The following SH3KBP1 variants were observed in gnomAD, a reference collection of about 807,000 sequenced individuals.
The protein encoded by SH3KBP1 is SH3 domain containing kinase binding protein 1, also known as SH3 domain-containing kinase-binding protein 1.
SH3KBP1 carries 8 observed loss-of-function variants against 50.1 expected under a neutral mutation model. The observed-to-expected ratio is 0.16, with a 90% CI of 0.09 to 0.29. The LOEUF is 0.29. Ranked by LOEUF, SH3KBP1 falls within the 10% of genes least tolerant of loss-of-function variation. The probability of loss-of-function intolerance (pLI) is 1.00; values close to 1 mark genes in which losing one functional copy is unlikely to be tolerated. For synonymous variants in SH3KBP1, 227 were observed against 218.6 expected (o/e 1.04, Z -0.34); for missense variants, 377 against 535.2 (o/e 0.70, Z 2.92).
Position 19,876,380 on chromosome X carries a change from C to CA in SH3KBP1, c.4+10926dup, listed in dbSNP as rs765235013. ...TGTCAAGAAAACAAAAACAAACAAA[C>CA]AAAAAAAACACCTAGATGGGTTAAG... On this transcript the variant is annotated intron_variant, in intron 1 of 17. Coordinates refer to ENST00000397821, the MANE Select transcript of SH3KBP1 (RefSeq NM_031892.3). 1.8e-4 allele frequency among the ~76,000 whole-genome samples: 20 copies of CA among 110,149 alleles called. 1 individual carries two copies. The highest frequency in any genetic ancestry group is 6.6e-4 in the African/African-American group (20 of 30,281).
chrX:19,579,387 A>C (rs1192784805), intron 12 of SH3KBP1, among the ~76,000 whole-genome samples: 1 of 112,033 alleles, frequency 8.9e-6, no homozygotes, highest in Non-Finnish European at 1.9e-5. Context: ...AAGGATGCTG[A>C]GCCCCCATCT....
intron 4 of SH3KBP1, among the ~76,000 whole-genome samples, chrX:19,705,450 C>G (rs1256056940): frequency 8.9e-6 from 1 of 111,856 alleles, no homozygotes; most frequent in Admixed American, 9.5e-5. Context: ...TGTCATTCTA[C>G]CACCGAAATA....
chrX:19,790,000 C>G (rs147641855), intron 2 of SH3KBP1, among the ~76,000 whole-genome samples: 7 of 109,489 alleles, frequency 6.4e-5, no homozygotes, highest in Non-Finnish European at 1.3e-4. Flanking sequence ...TGTCAGCCCT[C>G]GGGGCTCAAG....
chrX:19,551,110 C>T (rs2065226701), intron 13 of SH3KBP1, among the ~76,000 whole-genome samples: 1 of 111,627 alleles, frequency 9.0e-6, no homozygotes. Context: ...GTGTTATCTG[C>T]AAACTATTTT....
In SH3KBP1 at chrX:19,630,300, T is replaced by C. The variant is rs2061547565; in HGVS notation, c.897+1564A>G. ...ATCATCAAGGGGGAAAAAAGCACTC[T>C]AGCCCTTTCCCAGTATTTCTAAAAC... is the stretch of plus-strand genomic sequence containing the variant. On this transcript the variant is annotated intron_variant, in intron 8 of 17. Coordinates refer to ENST00000397821, the MANE Select transcript of SH3KBP1 (RefSeq NM_031892.3). Among the ~76,000 whole-genome samples the C allele has an allele frequency of 2.3e-4, 26 of 112,170 alleles. No homozygotes were observed. The Admixed American group carries it at 2.4e-3, about 11-fold the overall frequency.
chrX:19,668,097 A>G (rs1261589427), intron 6 of SH3KBP1, among the ~76,000 whole-genome samples: 1 of 111,516 alleles, frequency 9.0e-6, no homozygotes, highest in Non-Finnish European at 1.9e-5. Flanking sequence ...AGGCTATCTG[A>G]CAGAAGAAGG....
At chrX:19,660,888 G>A (rs958193989) in intron 6 of SH3KBP1, among the ~76,000 whole-genome samples, 2 of 112,476 alleles carry the variant, frequency 1.8e-5, no homozygotes, top group Non-Finnish European at 1.9e-5. Flanking sequence ...TCCTCCCGAT[G>A]CAGTTAAGAA....
intron 1 of SH3KBP1, among the ~76,000 whole-genome samples, chrX:19,857,502 C>G (rs964220933): frequency 9.1e-6 from 1 of 110,312 alleles, no homozygotes; most frequent in South Asian, 3.8e-4. Flanking sequence ...ATGGGTGGAT[C>G]GCTTGAGGTC....
At chrX:19,619,650 C>A (rs775504250) in intron 8 of SH3KBP1, among the ~76,000 whole-genome samples, 1 of 110,843 alleles carries the variant, frequency 9.0e-6, no homozygotes, top group Non-Finnish European at 1.9e-5. Flanking sequence ...GGTGTGGTGG[C>A]GCATGCCTAT....
At chrX:19,805,252 T>C (rs1666489296) in intron 2 of SH3KBP1, among the ~76,000 whole-genome samples, 1 of 110,927 alleles carries the variant, frequency 9.0e-6, no homozygotes, top group Admixed American at 9.6e-5. Context: ...CTTGCATTAC[T>C]GCGCATGTTT....
At position 19,706,966 on chromosome X, in the gene SH3KBP1, C is replaced by T. The variant is rs1386870517; in HGVS notation, c.305G>A (p.Arg102Gln). The stretch of plus-strand genomic sequence containing the variant: ...CAGGTAGCTGAATGCCACCTGGCAC[C>T]GGCGCCTCCGTCGCTCGCCTGGATG... ...TNKRGERRRR[R>Q]CQVAFSYLPQ... is the part of the protein sequence containing the mutation. Residue 102 changes from arginine to glutamine, a missense_variant, in exon 4 of 18, where the codon CGG becomes CAG. Transcript: ENST00000397821. The T allele has an allele frequency of 9.1e-6, 11 of 1,208,810 alleles. No individual in the cohort carries two copies. Among genetic ancestry groups the T allele is most frequent in the Non-Finnish European group, 1.2e-5 (11 of 894,000 alleles).
At chrX:19,622,810 A>G in intron 8 of SH3KBP1, among the ~76,000 whole-genome samples, 1 of 112,349 alleles carries the variant, frequency 8.9e-6, no homozygotes, top group South Asian at 3.7e-4. Context: ...TGGGAGGCCA[A>G]GGCAGGCGGA....
chrX:19,761,407 G>C (rs2065430302), intron 2 of SH3KBP1, among the ~76,000 whole-genome samples: 1 of 105,758 alleles, frequency 9.5e-6, no homozygotes, highest in Non-Finnish European at 2.0e-5. Flanking sequence ...GAGATGGGGA[G>C]AGAGGGAGGA....
intron 12 of SH3KBP1, among the ~76,000 whole-genome samples, chrX:19,573,541 C>G (rs1170925917): frequency 8.9e-6 from 1 of 112,010 alleles, no homozygotes; most frequent in African/African-American, 3.2e-5. Context: ...GCCACCTTGG[C>G]CTCCCAAAGT....
chrX:19,721,462 A>G (rs1174023491), intron 3 of SH3KBP1, among the ~76,000 whole-genome samples: 3 of 112,179 alleles, frequency 2.7e-5, no homozygotes, highest in Non-Finnish European at 5.6e-5. Flanking sequence ...CTGCTTCAAA[A>G]TTATGATCAC....
intron 12 of SH3KBP1, among the ~76,000 whole-genome samples, chrX:19,586,318 C>T (rs753481518): frequency 1.8e-5 from 2 of 111,984 alleles, no homozygotes; most frequent in Non-Finnish European, 3.8e-5. Context: ...GAAAGAGCAG[C>T]AGGAATATTT....
At chrX:19,669,763 T>G (rs745484513) in intron 6 of SH3KBP1, among the ~76,000 whole-genome samples, 2 of 111,639 alleles carry the variant, frequency 1.8e-5, no homozygotes, top group East Asian at 5.6e-4. Context: ...CTAACGGCAC[T>G]CTCCTCATAT....
intron 2 of SH3KBP1, among the ~76,000 whole-genome samples, chrX:19,801,027 G>T (rs927955210): frequency 8.9e-6 from 1 of 111,782 alleles, no homozygotes; most frequent in African/African-American, 3.3e-5. Context: ...CTGGTCACAG[G>T]TGCCATCCAT....
intron 1 of SH3KBP1, among the ~76,000 whole-genome samples, chrX:19,851,877 C>G (rs1307360558): frequency 9.0e-6 from 1 of 111,523 alleles, no homozygotes; most frequent in African/African-American, 3.3e-5. Context: ...TGCCTTTATC[C>G]TCCTCACTGT....
Sources: allele counts gnomAD v4.1 joint callset (sites outside exome capture counted in the v4.1 genomes callset), GRCh38; gene constraint gnomAD v4.1.1; transcripts MANE v1.5; gene names NCBI Gene and HGNC (gene_info 2026-07-23, HGNC 2026-07-21).